Variants in PCBP3 observed in about 807,000 individuals in gnomAD.
The protein encoded by PCBP3 is poly(rC)-binding protein 3.
In PCBP3, 25 loss-of-function variants were observed where a neutral mutation model predicts 52.7. That is an observed-to-expected ratio of 0.47 (90% confidence interval 0.35 to 0.66). The LOEUF is 0.66. Ranked by LOEUF, PCBP3 falls within the 30% of genes least tolerant of loss-of-function variation. The pLI is 0.01. For synonymous variants in PCBP3, 162 were observed against 183.0 expected (o/e 0.89, Z 0.93); for missense variants, 391 against 490.3 (o/e 0.80, Z 1.91).
chr21:45,713,922 C>T (rs1019348637), intron 2 of PCBP3, among the ~76,000 whole-genome samples: 2 of 152,232 alleles, frequency 1.3e-5, no homozygotes, highest in African/African-American at 4.8e-5. Flanking sequence ...GTTGCCAGGA[C>T]AGCTAGGGGT....
At chr21:45,682,190 C>T (rs568082688) in intron 2 of PCBP3, among the ~76,000 whole-genome samples, 125 of 152,280 alleles carry the variant, frequency 8.2e-4, no homozygotes, top group African/African-American at 2.9e-3. Flanking sequence ...TTTGTTGGGG[C>T]TTCTTCCCCC....
chr21:45,909,739 G>GCCCACCCACTGCCCAGATACAGACCCCC (rs2096294070), intron 10 of PCBP3, among the ~76,000 whole-genome samples: 1 of 79,400 alleles, frequency 1.3e-5, no homozygotes, highest in Non-Finnish European at 2.5e-5. Flanking sequence ...TACAGACCTG[G>GCCCACCCACTGCCCAGATACAGACCCCC]CCCACCCACT....
chr21:45,882,234 C>T lies in PCBP3; in HGVS notation c.11-13974C>T, dbSNP rs139270239. On this transcript the variant is annotated intron_variant, in intron 5 of 17. Coordinates refer to ENST00000681687, the MANE Select transcript of PCBP3 (RefSeq NM_001384156.1). ...AATAGCCATTCTAACAGGTATGAGC[C>T]GATATCCCATTGTGGTTTGAATTTG... is the stretch of plus-strand genomic sequence containing the variant. Among the ~76,000 whole-genome samples, 252 of 152,252 alleles carry T rather than the reference C, an allele frequency of 1.7e-3. 4 individuals carry two copies. Among genetic ancestry groups the T allele is most frequent in the African/African-American group, 5.5e-3 (230 of 41,550 alleles).
At chr21:45,887,939 C>T (rs2095560365) in intron 5 of PCBP3, among the ~76,000 whole-genome samples, 1 of 152,272 alleles carries the variant, frequency 6.6e-6, no homozygotes, top group African/African-American at 2.4e-5. Flanking sequence ...GTTGGGCCGC[C>T]TTTCCCTGAC....
chr21:45,855,778 A>C (rs1208842943), intron 5 of PCBP3, among the ~76,000 whole-genome samples: 1 of 152,262 alleles, frequency 6.6e-6, no homozygotes, highest in Non-Finnish European at 1.5e-5. Context: ...AACGCGCTGC[A>C]GAGGTGACAG....
intron 5 of PCBP3, chr21:45,871,414 C>T (rs2095015496): frequency 6.5e-6 from 1 of 154,784 alleles, no homozygotes; most frequent in Non-Finnish European, 1.4e-5. Flanking sequence ...TTGCCTGAGT[C>T]CTCCTCCCTC....
At chr21:45,856,503 T>C (rs1211999641) in intron 5 of PCBP3, among the ~76,000 whole-genome samples, 2 of 152,212 alleles carry the variant, frequency 1.3e-5, no homozygotes, top group African/African-American at 4.8e-5. Flanking sequence ...GGCTTCCCCA[T>C]GAACGGCCTG....
intron 2 of PCBP3, among the ~76,000 whole-genome samples, chr21:45,703,635 G>A (rs535318265): frequency 1.3e-5 from 2 of 152,250 alleles, no homozygotes; most frequent in Non-Finnish European, 1.5e-5. Context: ...GCAATGACAT[G>A]AATAGACTTA....
chr21:45,936,865 T>C (rs796978652), intron 16 of PCBP3, among the ~76,000 whole-genome samples: 27 of 152,296 alleles, frequency 1.8e-4, no homozygotes, highest in African/African-American at 6.5e-4. Context: ...ATCACTCACT[T>C]CCCATCCTCC....
At chr21:45,732,536 C>T (rs1167675315) in intron 2 of PCBP3, among the ~76,000 whole-genome samples, 13 of 149,224 alleles carry the variant, frequency 8.7e-5, no homozygotes, top group Non-Finnish European at 1.2e-4. Context: ...TTGATTATGA[C>T]GTGCCTTGGT....
chr21:45,672,254 C>A (rs2081218163), intron 2 of PCBP3, among the ~76,000 whole-genome samples: 1 of 152,180 alleles, frequency 6.6e-6, no homozygotes, highest in Non-Finnish European at 1.5e-5. Flanking sequence ...TCACTAGATT[C>A]TCCTCCTTGA....
intron 4 of PCBP3, among the ~76,000 whole-genome samples, chr21:45,838,894 C>T (rs1174905033): frequency 6.6e-6 from 1 of 152,136 alleles, no homozygotes; most frequent in East Asian, 1.9e-4. Flanking sequence ...CAAACATTTA[C>T]ATGATTCTAA....
chr21:45,766,783 A>G (rs543226910), intron 4 of PCBP3, among the ~76,000 whole-genome samples: 2 of 152,312 alleles, frequency 1.3e-5, no homozygotes, highest in East Asian at 3.9e-4. Context: ...GACTCTGCCT[A>G]TCCTGAGAGT....
At chr21:45,892,184 G>A (rs921028007) in intron 5 of PCBP3, among the ~76,000 whole-genome samples, 16 of 152,296 alleles carry the variant, frequency 1.1e-4, no homozygotes, top group African/African-American at 3.4e-4. Context: ...CTGTCACAGC[G>A]TTTGATGGAC....
chr21:45,671,187 A>C (rs2081149977), intron 2 of PCBP3, among the ~76,000 whole-genome samples: 1 of 152,198 alleles, frequency 6.6e-6, no homozygotes, highest in Non-Finnish European at 1.5e-5. Flanking sequence ...AGGGGAGCAC[A>C]GTTCTTTATG....
intron 2 of PCBP3, among the ~76,000 whole-genome samples, chr21:45,723,211 A>G (rs1026437641): frequency 1.3e-4 from 20 of 152,272 alleles, no homozygotes; most frequent in African/African-American, 4.8e-4. Flanking sequence ...CATCCTAGAG[A>G]GTGGCTCTGA....
At chr21:45,916,764 C>G (rs891221159) in intron 12 of PCBP3, 1 of 152,396 alleles carries the variant, frequency 6.6e-6, no homozygotes, top group African/African-American at 2.4e-5. Flanking sequence ...CTGTCCATGT[C>G]CCGAGTCCTG....
chr21:45,891,320 TCGTGTATCC>T (rs1569451798), intron 5 of PCBP3, among the ~76,000 whole-genome samples: 2 of 152,252 alleles, frequency 1.3e-5, no homozygotes, highest in Non-Finnish European at 2.9e-5. Flanking sequence ...GCAGCTTTAC[TCGTGTATCC>T]CGCCTTGCAT....
At chr21:45,895,717 G>T (rs765075875) in intron 5 of PCBP3, among the ~76,000 whole-genome samples, 1 of 152,250 alleles carries the variant, frequency 6.6e-6, no homozygotes, top group Admixed American at 6.5e-5. Context: ...TCATATGAGA[G>T]CATGAGGGGA....
Sources: allele counts gnomAD v4.1 joint callset (sites outside exome capture counted in the v4.1 genomes callset), GRCh38; gene constraint gnomAD v4.1.1; transcripts MANE v1.5; gene names NCBI Gene and HGNC (gene_info 2026-07-23, HGNC 2026-07-21).